Variants in TLK1 observed in about 807,000 individuals in gnomAD.
The protein encoded by TLK1 is tousled like kinase 1, also known as serine/threonine-protein kinase tousled-like 1.
A neutral mutation model predicts 105.3 loss-of-function variants in TLK1; 24 were observed. The ratio of observed to expected loss-of-function variants is 0.23; its 90% CI spans 0.17 to 0.32. The LOEUF (loss-of-function observed/expected upper bound fraction) is 0.32, where lower values mean the gene tolerates loss of function less well. TLK1 is among the 10% of genes least tolerant of loss of function. The probability of loss-of-function intolerance (pLI) is 1.00; values close to 1 mark genes in which losing one functional copy is unlikely to be tolerated. For synonymous variants in TLK1, 321 were observed against 310.4 expected (o/e 1.03, Z -0.36); for missense variants, 558 against 910.5 (o/e 0.61, Z 4.98).
intron 1 of TLK1, among the ~76,000 whole-genome samples, chr2:171,121,675 T>C (rs1358220025): frequency 2.6e-5 from 4 of 152,226 alleles, no homozygotes; most frequent in Non-Finnish European, 5.9e-5. Context: ...ATGTGCTATA[T>C]ACTATGCCTA....
chr2:171,150,928 A>C (rs1368778185), intron 1 of TLK1, among the ~76,000 whole-genome samples: 2 of 152,230 alleles, frequency 1.3e-5, no homozygotes, highest in Non-Finnish European at 2.9e-5. Flanking sequence ...CATTCAAGGA[A>C]ATAACATTGA....
At chr2:171,194,783 C>T (rs957633009) in intron 1 of TLK1, among the ~76,000 whole-genome samples, 9 of 144,268 alleles carry the variant, frequency 6.2e-5, no homozygotes, top group African/African-American at 2.4e-4. Flanking sequence ...CGCCACTGCA[C>T]TCCAGCCTGG....
chr2:171,158,916 A>T (rs1692339800), intron 1 of TLK1, among the ~76,000 whole-genome samples: 1 of 152,228 alleles, frequency 6.6e-6, no homozygotes, highest in Non-Finnish European at 1.5e-5. Context: ...CGCATGTTTA[A>T]TGGATCCCAT....
At chr2:171,196,590 G>A (rs910828173) in intron 1 of TLK1, among the ~76,000 whole-genome samples, 2 of 152,096 alleles carry the variant, frequency 1.3e-5, no homozygotes, top group African/African-American at 2.4e-5. Flanking sequence ...GTCCGCTCTC[G>A]CAACCCCTTC....
At chr2:171,077,818 GTGA>G (rs1334495061) in intron 3 of TLK1, among the ~76,000 whole-genome samples, 5 of 152,184 alleles carry the variant, frequency 3.3e-5, no homozygotes, top group African/African-American at 1.2e-4. Context: ...ATAAATCAGA[GTGA>G]TGATATCACG....
chr2:171,195,341 A>C (rs2105316735), intron 1 of TLK1, among the ~76,000 whole-genome samples: 1 of 152,076 alleles, frequency 6.6e-6, no homozygotes, highest in African/African-American at 2.4e-5. Flanking sequence ...GTCTCTACTA[A>C]AACTACAAAA....
At chr2:171,165,666 A>T (rs1175061387), upstream of TLK1, among the ~76,000 whole-genome samples, 1 of 152,200 alleles carries the variant, frequency 6.6e-6, no homozygotes, top group Non-Finnish European at 1.5e-5. Context: ...TAATCCCAGC[A>T]TTTTGGGAGG....
In TLK1 at chr2:171,056,455, T is replaced by G. The variant is rs746220089; in HGVS notation, c.549+16A>C. 3 of 1,609,002 alleles carry G rather than the reference T, an allele frequency of 1.9e-6. No individual in the cohort carries two copies. Among genetic ancestry groups the G allele is most frequent in the Non-Finnish European group, 2.5e-6 (3 of 1,177,350 alleles). ...CTCCCAAAGACTACACATGAAAAAC[T>G]TGAAAGATGACTTACAGATGAGGAA... is the stretch of plus-strand genomic sequence containing the variant. On this transcript the variant is annotated intron_variant, in intron 6 of 20. Transcript: ENST00000431350.
Position 170,997,017 on chromosome 2 carries a change from A to G in TLK1, c.2017-257T>C, listed in dbSNP as rs959986612. 3.3e-5 allele frequency among the ~76,000 whole-genome samples: 5 copies of G among 152,264 alleles called. No homozygotes were observed. The South Asian group carries it at 6.2e-4, about 19-fold the overall frequency. On this transcript the variant is annotated intron_variant, in intron 19 of 20. Coordinates refer to ENST00000431350, the MANE Select transcript of TLK1 (RefSeq NM_012290.5). ...GAAGAAAATAATGCTGTTGCAATAT[A>G]AGATAAAAACATAAATTTAAAACTT...
rs145027755 is a variant in TLK1 at position 171,117,731 on chromosome 2, T to C, written c.258+8A>G. 1.2e-6 allele frequency: 2 copies of C among 1,600,872 alleles called. No homozygotes were observed. Among genetic ancestry groups the C allele is most frequent in the Non-Finnish European group, 1.7e-6 (2 of 1,171,890 alleles). On this transcript the variant is annotated splice_region_variant and intron_variant, in intron 2 of 20. Coordinates refer to ENST00000431350, the MANE Select transcript of TLK1 (RefSeq NM_012290.5). The stretch of plus-strand genomic sequence containing the variant: ...AGACTGTCAAATAAAGATGAGAATT[T>C]TGCTCACTTTAGCTCCAACACTGCA...
intron 1 of TLK1, among the ~76,000 whole-genome samples, chr2:171,174,621 T>TCCA (rs1692787667): frequency 6.6e-6 from 1 of 152,150 alleles, no homozygotes; most frequent in Non-Finnish European, 1.5e-5. Flanking sequence ...GTCCTCCTCC[T>TCCA]CCACTAAGCC....
chr2:171,038,258 AC>A (rs1468815581), intron 11 of TLK1, among the ~76,000 whole-genome samples: 1 of 152,086 alleles, frequency 6.6e-6, no homozygotes, highest in African/African-American at 2.4e-5. Flanking sequence ...TTTTTCCCCT[AC>A]AAAAATTTTA....
At chr2:171,195,649 A>G (rs1693259717) in intron 1 of TLK1, among the ~76,000 whole-genome samples, 1 of 152,128 alleles carries the variant, frequency 6.6e-6, no homozygotes, top group Non-Finnish European at 1.5e-5. Flanking sequence ...AACACTGTTC[A>G]TTTTGTAAAA....
chr2:171,087,223 T>C (rs1689021213), intron 2 of TLK1, among the ~76,000 whole-genome samples: 1 of 152,090 alleles, frequency 6.6e-6, no homozygotes, highest in Non-Finnish European at 1.5e-5. Flanking sequence ...TAACACAGAT[T>C]TGGAATCAGC....
chr2:171,081,788 C>A, intron 3 of TLK1: 2 of 974,084 alleles, frequency 2.1e-6, no homozygotes, highest in Non-Finnish European at 2.9e-6. Context: ...CAGAACTGCA[C>A]GAAACTGTCT....
At chr2:171,211,517 T>C (rs1256222631) in intron 1 of TLK1, among the ~76,000 whole-genome samples, 1 of 152,070 alleles carries the variant, frequency 6.6e-6, no homozygotes, top group Non-Finnish European at 1.5e-5. Context: ...CTACACTCAG[T>C]CATAAATGTA....
intron 2 of TLK1, among the ~76,000 whole-genome samples, chr2:171,112,629 A>G (rs150092296): frequency 6.6e-6 from 1 of 152,318 alleles, no homozygotes; most frequent in East Asian, 1.9e-4. Context: ...AAGGTATAAG[A>G]GATTAAACTA....
chr2:171,222,840 A>G (rs1246018520), intron 1 of TLK1, among the ~76,000 whole-genome samples: 2 of 151,936 alleles, frequency 1.3e-5, no homozygotes, highest in Admixed American at 6.5e-5. Context: ...TTTGAGATGG[A>G]GTCTCGCTCT....
chr2:171,218,296 CA>C (rs544807696), intron 1 of TLK1, among the ~76,000 whole-genome samples: 68 of 151,980 alleles, frequency 4.5e-4, no homozygotes, highest in African/African-American at 1.5e-3. Context: ...ATAACAACAA[CA>C]AAAAAAAAAC....
Sources: gnomAD v4.1 joint callset for allele counts (sites outside exome capture counted in the v4.1 genomes callset) on GRCh38, gnomAD v4.1.1 for gene constraint, MANE v1.5 for transcripts, NCBI Gene and HGNC (gene_info 2026-07-23, HGNC 2026-07-21) for gene names.